Variants in NEK4 observed in about 807,000 individuals in gnomAD.
NEK4 encodes the protein NIMA related kinase 4.
NEK4 carries 86 observed loss-of-function variants against 98.4 expected under a neutral mutation model. That is an observed-to-expected ratio of 0.87 (90% CI 0.73 to 1.05). NEK4 has a LOEUF of 1.05. Ranked by LOEUF, NEK4 falls within the 50% of genes least tolerant of loss-of-function variation. NEK4 has a pLI of 0.00. For synonymous variants in NEK4, 328 were observed against 342.2 expected (o/e 0.96, Z 0.46); for missense variants, 898 against 950.3 (o/e 0.94, Z 0.72).
At chr3:52,718,607 G>A (rs760424636) in intron 15 of NEK4, among the ~76,000 whole-genome samples, 2 of 151,982 alleles carry the variant, frequency 1.3e-5, no homozygotes, top group African/African-American at 2.4e-5. Flanking sequence ...AGGTTGTCTC[G>A]AGAGATAACA....
intron 6 of NEK4, among the ~76,000 whole-genome samples, chr3:52,753,056 T>C (rs1427220701): frequency 6.7e-6 from 1 of 149,928 alleles, no homozygotes; most frequent in Non-Finnish European, 1.5e-5. Context: ...AGGCCAAGTG[T>C]GGTGGCTCAC....
chr3:52,768,470 A>G lies in NEK4; in HGVS notation c.228T>C (p.Asp76=), dbSNP rs1698657834. 3 of 1,614,206 alleles carry G rather than the reference A, an allele frequency of 1.9e-6. No individual in the cohort carries two copies. The highest frequency in any genetic ancestry group is 2.5e-6 in the Non-Finnish European group (3 of 1,180,038). ...AGCCCATGACAATGTAGAGCAGACC[A>G]TCTCCTCCTTCCCATGACTCCTTGT... ...VTYKESWEGG[D]GLLYIVMGFC... The change falls in exon 2 of 16, where the codon GAT becomes GAC. Residue 76 remains aspartate (D), a synonymous_variant. Coordinates refer to ENST00000233027, the MANE Select transcript of NEK4 (RefSeq NM_003157.6).
chr3:52,711,015 A>C lies in NEK4; in HGVS notation c.*762T>G, dbSNP rs1168999353. ...GAGACAAACATTAAATATATCCAAA[A>C]ACTAAATGGACCTGGACTTTGCTTA... On this transcript the variant is annotated 3_prime_UTR_variant, in exon 16 of 16. Coordinates refer to ENST00000233027, the MANE Select transcript of NEK4 (RefSeq NM_003157.6). The C allele has an allele frequency of 2.6e-5, 4 of 152,678 alleles. No homozygotes were observed. The highest frequency in any genetic ancestry group is 4.4e-5 in the Non-Finnish European group (3 of 68,046). 9.5% of individuals were successfully genotyped at this position (152,678 alleles called of 1,614,324 possible). A position where few individuals can be genotyped will look rare whatever the true frequency, so the allele number is the denominator to read the frequency against.
At chr3:52,766,455 C>T in intron 2 of NEK4, 80 bp from the exon 3 acceptor site, 4 of 1,008,296 alleles carry the variant, frequency 4.0e-6, no homozygotes, top group South Asian at 1.4e-5. Flanking sequence ...ATACCATCAG[C>T]AATGGCATGA....
At chr3:52,733,516 G>A in intron 15 of NEK4, 1 of 470,364 alleles carries the variant, frequency 2.1e-6, no homozygotes, top group Non-Finnish European at 4.2e-6. Context: ...TCATACTGCA[G>A]AAAAACCTTA....
chr3:52,722,244 C>A (rs538945636), intron 15 of NEK4, among the ~76,000 whole-genome samples: 7 of 152,262 alleles, frequency 4.6e-5, no homozygotes, highest in African/African-American at 1.7e-4. Context: ...TTCTTCTCCA[C>A]CCTCCTCACC....
chr3:52,760,861 T>C lies in NEK4; in HGVS notation c.897A>G (p.Ala299=). ...KPFATVVSGE[A]ESNHEVIHPQ... is the part of the protein sequence containing the mutation. ...GGTGGATTACTTCATGATTTGATTC[T>C]GCCTCTCCAGAAACCACTGTAGCAA... Residue 299 remains alanine (A), a synonymous_variant, in exon 6 of 16, where the codon GCA becomes GCG. Coordinates refer to ENST00000233027, the MANE Select transcript of NEK4 (RefSeq NM_003157.6). 1 of 1,608,738 alleles carries C rather than the reference T, an allele frequency of 6.2e-7. No individual in the cohort carries two copies. Among genetic ancestry groups the C allele is most frequent in the South Asian group, 1.1e-5 (1 of 90,902 alleles).
chr3:52,737,585 C>T lies in NEK4; in HGVS notation c.2433+1G>A. On this transcript the variant is annotated splice_donor_variant, in intron 15 of 15. Transcript: ENST00000233027. LOFTEE classifies it high-confidence loss of function. The stretch of plus-strand genomic sequence containing the variant: ...CTTGATACAGTTAATGAGACACTCA[C>T]CTCTCTATCAAATTCATCCTCCTCC... 1 of 1,613,774 alleles carries T rather than the reference C, an allele frequency of 6.2e-7. No homozygotes were observed. The highest frequency in any genetic ancestry group is 8.5e-7 in the Non-Finnish European group (1 of 1,179,780).
chr3:52,713,831 A>C (rs56670120), intron 15 of NEK4, among the ~76,000 whole-genome samples: 48 of 149,888 alleles, frequency 3.2e-4, no homozygotes, highest in African/African-American at 1.0e-3. Context: ...AGTCAGGAAA[A>C]ACAAAGTGAG....
chr3:52,727,255 T>C (rs1437066174), intron 15 of NEK4, among the ~76,000 whole-genome samples: 1 of 152,064 alleles, frequency 6.6e-6, no homozygotes, highest in East Asian at 1.9e-4. Flanking sequence ...ATTACAGGCG[T>C]GAGCCACTGC....
chr3:52,770,775 G>A lies in NEK4; in HGVS notation c.-29C>T, dbSNP rs1240000611. ...CCCAGCGCTGGCCCAGAGTCGGGAT[G>A]CGGCGGCAGCGGCGGGTAGGGCAGC... On this transcript the variant is annotated 5_prime_UTR_variant, in exon 1 of 16. Transcript: ENST00000233027. 1.3e-6 allele frequency: 2 copies of A among 1,533,328 alleles called. No individual in the cohort carries two copies. The highest frequency in any genetic ancestry group is 8.8e-7 in the Non-Finnish European group (1 of 1,135,292). The allele number at this position is 1,533,328 out of a possible 1,614,324, so 95.0% of individuals were successfully genotyped here.
At chr3:52,751,518 G>A (rs2154105163) in intron 7 of NEK4, among the ~76,000 whole-genome samples, 1 of 151,576 alleles carries the variant, frequency 6.6e-6, no homozygotes, top group Non-Finnish European at 1.5e-5. Context: ...CTACTCAGGA[G>A]GCTGAGGCAT....
chr3:52,732,189 A>G (rs1383920007), intron 15 of NEK4, among the ~76,000 whole-genome samples: 1 of 151,984 alleles, frequency 6.6e-6, no homozygotes, highest in African/African-American at 2.4e-5. Context: ...AGCCTCACAG[A>G]TTGATTTCTT....
At chr3:52,754,682 A>T (rs962422827) in intron 6 of NEK4, 1 of 590,800 alleles carries the variant, frequency 1.7e-6, no homozygotes, top group Non-Finnish European at 3.3e-6. Flanking sequence ...AAGAGAAAAC[A>T]GTAGCAACTT....
At chr3:52,725,385 G>A (rs982933746) in intron 15 of NEK4, among the ~76,000 whole-genome samples, 2 of 151,914 alleles carry the variant, frequency 1.3e-5, no homozygotes, top group Admixed American at 6.6e-5. Flanking sequence ...CATGGTGGCG[G>A]GCACCTGTAG....
At chr3:52,730,473 G>A (rs991030226) in intron 15 of NEK4, among the ~76,000 whole-genome samples, 1 of 152,194 alleles carries the variant, frequency 6.6e-6, no homozygotes, top group African/African-American at 2.4e-5. Flanking sequence ...GGGCCAGACA[G>A]GGACACTACA....
chr3:52,759,583 T>G (rs944350827), intron 6 of NEK4, among the ~76,000 whole-genome samples: 1 of 152,106 alleles, frequency 6.6e-6, no homozygotes, highest in African/African-American at 2.4e-5. Flanking sequence ...AAATAATTAG[T>G]GCCGGCAAAG....
At chr3:52,717,603 C>T (rs1042476922) in intron 15 of NEK4, among the ~76,000 whole-genome samples, 5 of 151,906 alleles carry the variant, frequency 3.3e-5, no homozygotes, top group African/African-American at 1.2e-4. Flanking sequence ...CCATTGTCTC[C>T]ACCCACAGCT....
At chr3:52,741,585 G>A in intron 12 of NEK4, 86 bp from the exon 13 acceptor site, 1 of 779,328 alleles carries the variant, frequency 1.3e-6, no homozygotes, top group Non-Finnish European at 2.3e-6. Context: ...GCAACAACTA[G>A]ACACAATACG....
Sources: allele counts gnomAD v4.1 joint callset (sites outside exome capture counted in the v4.1 genomes callset), GRCh38; gene constraint gnomAD v4.1.1; transcripts MANE v1.5; gene names NCBI Gene and HGNC (gene_info 2026-07-23, HGNC 2026-07-21).